Variants in AKR1A1 observed in about 807,000 individuals in gnomAD.
AKR1A1 encodes the protein aldo-keto reductase family 1 member A1, also known as HEL-S-165mP.
AKR1A1 carries 26 observed loss-of-function variants against 39.2 expected under a neutral mutation model. The ratio of observed to expected loss-of-function variants is 0.66; its 90% CI spans 0.49 to 0.92. The LOEUF (loss-of-function observed/expected upper bound fraction) is 0.92, where lower values mean the gene tolerates loss of function less well. Among genes scored for constraint, AKR1A1 ranks in the 40% least tolerant of loss-of-function variants. The probability of loss-of-function intolerance (pLI) is 0.00; values close to 1 mark genes in which losing one functional copy is unlikely to be tolerated. For missense variants in AKR1A1, 378 were observed against 406.5 expected (o/e 0.93, Z 0.60); for synonymous variants, 141 against 155.5 (o/e 0.91, Z 0.69).
intron 4 of AKR1A1, 98 bp from the exon 5 acceptor site, chr1:45,567,884 T>C: frequency 8.5e-7 from 1 of 1,171,562 alleles, no homozygotes. Context: ...CTTTGTCCTC[T>C]CTGGGATTGG....
intron 8 of AKR1A1, 64 bp downstream of exon 8, chr1:45,569,293 G>T: frequency 5.8e-6 from 8 of 1,378,416 alleles, no homozygotes; most frequent in Non-Finnish European, 8.3e-6. Context: ...TCTGGCCCAG[G>T]TGTGACCTAA....
At position 45,567,987 on chromosome 1, in the gene AKR1A1, G is replaced by A. The variant is rs756317219; in HGVS notation, c.362G>A (p.Gly121Glu). Residue 121 changes from glycine to glutamate, a missense_variant, in exon 5 of 9, where the codon GGA becomes GAA. Gly to Glu is a moderately conservative substitution (Grantham distance 98). Coordinates refer to ENST00000351829, the MANE Select transcript of AKR1A1 (RefSeq NM_153326.3). ...TGGGGCTGTCTCTCACTCAGGCGGG[G>A]AGACAACCCCTTCCCCAAGAATGCT... ...LMHWPYAFER[G>E]DNPFPKNADG... is the part of the protein sequence containing the mutation. 2 of 1,611,606 alleles carry A rather than the reference G, an allele frequency of 1.2e-6. No individual in the cohort carries two copies. The highest frequency in any genetic ancestry group is 1.7e-5 in the Admixed American group (1 of 59,820).
intron 8 of AKR1A1, 48 bp from the exon 9 acceptor site, chr1:45,569,843 G>A (rs768740205): frequency 1.4e-5 from 21 of 1,555,068 alleles, no homozygotes; most frequent in Non-Finnish European, 1.7e-5. Flanking sequence ...GGAGTCTTTG[G>A]AATGGCAACT....
intron 5 of AKR1A1, 133 bp downstream of exon 5, chr1:45,568,310 G>A: frequency 1.6e-6 from 2 of 1,272,608 alleles, no homozygotes; most frequent in Non-Finnish European, 2.2e-6. Flanking sequence ...CTGCATAAAG[G>A]TGGGCATTGA....
intron 1 of AKR1A1, among the ~76,000 whole-genome samples, chr1:45,555,169 A>G (rs1192658163): frequency 6.6e-6 from 1 of 152,184 alleles, no homozygotes; most frequent in Non-Finnish European, 1.5e-5. Flanking sequence ...GGGAACAAAA[A>G]CCAACTTTAA....
intron 1 of AKR1A1, among the ~76,000 whole-genome samples, chr1:45,560,814 G>A (rs1443756387): frequency 1.4e-5 from 2 of 145,822 alleles, no homozygotes; most frequent in African/African-American, 2.5e-5. Context: ...TGCAACCTCC[G>A]CCTCCTGGGT....
chr1:45,558,546 T>C (rs1691225), intron 1 of AKR1A1, among the ~76,000 whole-genome samples: 2,272 of 152,022 alleles, frequency 0.015, 56 homozygotes, highest in African/African-American at 0.049. Flanking sequence ...ACCACAGGCA[T>C]GTGCCACCAT....
At chr1:45,561,347 C>T (rs111810280) in intron 1 of AKR1A1, among the ~76,000 whole-genome samples, 1,649 of 152,192 alleles carry the variant, frequency 0.011, 25 homozygotes, top group African/African-American at 0.037. Context: ...GCTGCCTTTG[C>T]TCACAGGCAC....
chr1:45,554,284 T>C (rs901242782), intron 1 of AKR1A1, among the ~76,000 whole-genome samples: 1 of 152,000 alleles, frequency 6.6e-6, no homozygotes, highest in Non-Finnish European at 1.5e-5. Context: ...AAAAATGAGC[T>C]GGACATCGTG....
At chr1:45,568,409 C>T (rs1291401201) in intron 5 of AKR1A1, 76 bp from the exon 6 acceptor site, 4 of 1,522,626 alleles carry the variant, frequency 2.6e-6, no homozygotes, top group Admixed American at 3.4e-5. Flanking sequence ...GGGGGTGGTC[C>T]AGACATGCAT....
chr1:45,559,928 T>G (rs912527149), intron 1 of AKR1A1, among the ~76,000 whole-genome samples: 17 of 152,066 alleles, frequency 1.1e-4, no homozygotes, highest in Middle Eastern at 3.4e-3. Context: ...ATTACAGGCG[T>G]GAGCCACTGT....
At chr1:45,560,837 C>T (rs1469748843) in intron 1 of AKR1A1, among the ~76,000 whole-genome samples, 1 of 151,556 alleles carries the variant, frequency 6.6e-6, no homozygotes, top group Non-Finnish European at 1.5e-5. Context: ...AAGTGATTCT[C>T]CTGCCTCAGC....
intron 6 of AKR1A1, 103 bp from the exon 7 acceptor site, chr1:45,568,824 C>A: frequency 6.6e-7 from 1 of 1,517,404 alleles, no homozygotes; most frequent in Non-Finnish European, 9.1e-7. Context: ...CCCATTTCAG[C>A]AGGGCTCAGG....
chr1:45,565,341 G>A (rs1644327378), intron 2 of AKR1A1, among the ~76,000 whole-genome samples: 1 of 150,146 alleles, frequency 6.7e-6, no homozygotes, highest in African/African-American at 2.5e-5. Flanking sequence ...TGTTGGTTAG[G>A]CTGGTCTCAA....
At position 45,566,883 on chromosome 1, in the gene AKR1A1, G is replaced by C. The variant is rs1480439743; in HGVS notation, c.219G>C (p.Glu73Asp). 1.7e-5 allele frequency: 27 copies of C among 1,614,098 alleles called. No homozygotes were observed. Among genetic ancestry groups the C allele is most frequent in the Non-Finnish European group, 2.1e-5 (25 of 1,179,992 alleles). The change falls in exon 4 of 9, where the codon GAG (glutamate) becomes GAC (aspartate). Residue 73 changes from glutamate to aspartate, a missense_variant. Glu to Asp is a conservative substitution (Grantham distance 45). Transcript: ENST00000351829. The stretch of plus-strand genomic sequence containing the variant: ...CCCTGCACTAGGCGGTGCCTCGGGA[G>C]GAGCTGTTTGTGACATCCAAGCTGT... ...DVGPGKAVPR[E>D]ELFVTSKLWN... is the part of the protein sequence containing the mutation.
Position 45,568,916 on chromosome 1 carries a change from C to T in AKR1A1, c.753-11C>T, listed in dbSNP as rs1434990845. The T allele has an allele frequency of 6.2e-7, 1 of 1,613,870 alleles. No homozygotes were observed. The stretch of plus-strand genomic sequence containing the variant: ...ACCCCTTTTCCTCATCTGTCTAATC[C>T]CCCAACTTAGGTGGCAGGTCCAGCG... On this transcript the variant is annotated splice_polypyrimidine_tract_variant and intron_variant, in intron 6 of 8. Transcript: ENST00000351829.
At chr1:45,553,888 G>T (rs925720887) in intron 1 of AKR1A1, among the ~76,000 whole-genome samples, 2 of 152,048 alleles carry the variant, frequency 1.3e-5, no homozygotes, top group African/African-American at 4.8e-5. Context: ...CCAGCTACTC[G>T]GGAGGCTGAG....
In AKR1A1 at chr1:45,568,093, G is replaced by A. The variant is rs746781787; in HGVS notation, c.468G>A (p.Val156=). 19 of 1,613,976 alleles carry A rather than the reference G, an allele frequency of 1.2e-5. No individual in the cohort carries two copies. In the South Asian group the frequency reaches 2.0e-4, roughly 17 times the overall value. Residue 156 remains valine, a synonymous_variant, in exon 5 of 9, where the codon GTG becomes GTA. Coordinates refer to ENST00000351829, the MANE Select transcript of AKR1A1 (RefSeq NM_153326.3). ...AGGCACTGGTGGCTAAGGGGCTGGT[G>A]CAGGCGCTGGGCCTGTCCAACTTCA... ...ALEALVAKGL[V]QALGLSNFNS...
intron 1 of AKR1A1, among the ~76,000 whole-genome samples, chr1:45,560,696 T>G (rs1295407858): frequency 3.3e-5 from 5 of 151,240 alleles, no homozygotes; most frequent in Non-Finnish European, 7.4e-5. Flanking sequence ...CAGACCTCTG[T>G]GAAAGGTACT....
Sources: gnomAD v4.1 joint callset for allele counts (sites outside exome capture counted in the v4.1 genomes callset) on GRCh38, gnomAD v4.1.1 for gene constraint, MANE v1.5 for transcripts, NCBI Gene and HGNC (gene_info 2026-07-23, HGNC 2026-07-21) for gene names.